The following KLHL35 variants were observed in gnomAD, a reference collection of about 807,000 sequenced individuals.
KLHL35 encodes the protein kelch like family member 35, also known as kelch-like protein 35.
KLHL35 carries 50 observed loss-of-function variants against 44.0 expected under a neutral mutation model. The observed-to-expected ratio is 1.14, with a 90% CI of 0.91 to 1.44. The LOEUF is 1.44. Ranked by LOEUF, KLHL35 falls within the 40% of genes most tolerant of loss-of-function variation. The pLI is 0.00. For missense variants in KLHL35, 1,049 were observed against 887.8 expected (o/e 1.18, Z -2.31); for synonymous variants, 470 against 410.4 (o/e 1.15, Z -1.76).
In KLHL35 at chr11:75,429,741, G is replaced by C; in HGVS notation, c.881+8C>G. ...GGAGGGCGGGAAGCTAGGGGATGGCGGCCCTACCTCCGCGGCCGGGTCCGC... is the reference window on the plus strand; with the variant it reads ...GGAGGGCGGGAAGCTAGGGGATGGCCGCCCTACCTCCGCGGCCGGGTCCGC... On this transcript the variant is annotated splice_region_variant and intron_variant, in intron 2 of 6. Coordinates refer to ENST00000539798, the MANE Select transcript of KLHL35 (RefSeq NM_001039548.3). The C allele has an allele frequency of 2.8e-6, 4 of 1,449,302 alleles. No individual in the cohort carries two copies. Among genetic ancestry groups the C allele is most frequent in the Non-Finnish European group, 3.6e-6 (4 of 1,108,360 alleles). 89.8% of individuals were successfully genotyped at this position (1,449,302 alleles called of 1,614,324 possible). A position where few individuals can be genotyped will look rare whatever the true frequency, so the allele number is the denominator to read the frequency against.
Position 75,430,376 on chromosome 11 carries a change from A to G in KLHL35, c.254T>C (p.Val85Ala). The G allele has an allele frequency of 1.5e-6, 2 of 1,353,964 alleles. No homozygotes were observed. Among genetic ancestry groups the G allele is most frequent in the Non-Finnish European group, 1.9e-6 (2 of 1,050,320 alleles). 83.9% of individuals were successfully genotyped at this position (1,353,964 alleles called of 1,614,324 possible). ...PERGPAVVPV[V>A]PVAPEAPGTS... ...GCCTGGCGCCTCGGGAGCTACTGGCACCACTGGCACCACGGCCGGGCCGCG... is the reference window on the plus strand; with the variant it reads ...GCCTGGCGCCTCGGGAGCTACTGGCGCCACTGGCACCACGGCCGGGCCGCG... Residue 85 changes from valine to alanine, a missense_variant, in exon 2 of 7, where the codon GTG becomes GCG. Transcript: ENST00000539798.
At position 75,430,480 on chromosome 11, in the gene KLHL35, G is replaced by T; in HGVS notation, c.150C>A (p.Arg50=). 1 of 1,403,114 alleles carries T rather than the reference G, an allele frequency of 7.1e-7. No homozygotes were observed. Among genetic ancestry groups the T allele is most frequent in the South Asian group, 1.5e-5 (1 of 66,832 alleles). The allele number at this position is 1,403,114 out of a possible 1,614,324, so 86.9% of individuals were successfully genotyped here. ...LTDVVLRAGG[R]DFPCHRAALS... is the part of the protein sequence containing the mutation. ...GCGCCGCGCGGTGGCACGGAAAGTCGCGCCCGCCGGCGCGCAGCACCACGT... is the reference window on the plus strand; with the variant it reads ...GCGCCGCGCGGTGGCACGGAAAGTCTCGCCCGCCGGCGCGCAGCACCACGT... The change falls in exon 2 of 7, where the codon CGC becomes CGA. Residue 50 remains arginine (R), a synonymous_variant. Coordinates refer to ENST00000539798, the MANE Select transcript of KLHL35 (RefSeq NM_001039548.3).
At chr11:75,431,386 C>G (rs1344021532) in intron 1 of KLHL35, among the ~76,000 whole-genome samples, 1 of 152,234 alleles carries the variant, frequency 6.6e-6, no homozygotes, top group Non-Finnish European at 1.5e-5. Flanking sequence ...TACGGTGTGC[C>G]CGGAGCTCCC....
intron 5 of KLHL35, 58 bp downstream of exon 5, chr11:75,425,335 G>A: frequency 6.8e-7 from 1 of 1,471,070 alleles, no homozygotes; most frequent in Middle Eastern, 2.4e-4. Context: ...TTCTGCGCCT[G>A]GCACACAGTG....
At chr11:75,424,225 CCTT>C (rs1948473145) in intron 5 of KLHL35, 1 of 259,582 alleles carries the variant, frequency 3.9e-6, no homozygotes, top group African/African-American at 2.2e-5. Flanking sequence ...AACAGTCTCT[CCTT>C]TGATGGAGAA....
In KLHL35 at chr11:75,433,110, G is replaced by C. The variant is rs1253790848; in HGVS notation, c.-69C>G. Among the ~76,000 whole-genome samples, 4 of 152,160 alleles carry C rather than the reference G, an allele frequency of 2.6e-5. No individual in the cohort carries two copies. Among genetic ancestry groups the C allele is most frequent in the African/African-American group, 9.7e-5 (4 of 41,416 alleles). On this transcript the variant is annotated 5_prime_UTR_variant, in exon 1 of 7. Coordinates refer to ENST00000539798, the MANE Select transcript of KLHL35 (RefSeq NM_001039548.3). ...ACAGGTATCACTCCCGTTTGTGCCT[G>C]CCGCCCGCACCCCTGGCAGCCCAAG... is the stretch of plus-strand genomic sequence containing the variant.
At chr11:75,424,415 TA>T (rs923196360) in intron 5 of KLHL35, 2 of 153,326 alleles carry the variant, frequency 1.3e-5, no homozygotes, top group African/African-American at 4.8e-5. Context: ...CATTAGATTC[TA>T]GCTGAGGTGT....
In KLHL35 at chr11:75,425,462, C is replaced by T. The variant is rs1299621626; in HGVS notation, c.1305G>A (p.Ala435=). Residue 435 remains alanine (A), a synonymous_variant, in exon 5 of 7, where the codon GCG becomes GCA. Coordinates refer to ENST00000539798, the MANE Select transcript of KLHL35 (RefSeq NM_001039548.3). ...APLPEAVSSA[A]VASCAGKLFV... ...AGAGCTTGCCCGCGCAGGACGCCACCGCCGCCGAGCTCACGGCCTCCGGGA... is the reference window on the plus strand; with the variant it reads ...AGAGCTTGCCCGCGCAGGACGCCACTGCCGCCGAGCTCACGGCCTCCGGGA... 20 of 1,571,212 alleles carry T rather than the reference C, an allele frequency of 1.3e-5. No homozygotes were observed. Among genetic ancestry groups the T allele is most frequent in the Admixed American group, 1.8e-5 (1 of 55,268 alleles).
At chr11:75,423,458 C>G (rs995151586) in intron 6 of KLHL35, 1 of 521,088 alleles carries the variant, frequency 1.9e-6, no homozygotes, top group South Asian at 2.7e-5. Context: ...CTTGGGACTG[C>G]AGGGTTCTAG....
rs980982396 is a variant in KLHL35 at position 75,423,966 on chromosome 11, G to C, written c.1375-86C>G. ...CCCACATGCTGCCACCTCTCCCCCC[G>C]GGGGCACTCATTCAAAACGACATTT... On this transcript the variant is annotated intron_variant, in intron 5 of 6. Transcript: ENST00000539798. 2.6e-5 allele frequency: 28 copies of C among 1,077,962 alleles called. No homozygotes were observed. The African/African-American group carries it at 3.9e-4, about 15-fold the overall frequency. The allele number at this position is 1,077,962 out of a possible 1,614,324, so 66.8% of individuals were successfully genotyped here.
rs1948543948 is a variant in KLHL35 at position 75,432,349 on chromosome 11, T to C, written c.-2+694A>G. ...CTCCCTGGTGGGCAAGAAAGTTAAC[T>C]ACTTTTGCCCAAGTAGAGCGACTGG... is the stretch of plus-strand genomic sequence containing the variant. On this transcript the variant is annotated intron_variant, in intron 1 of 6. Transcript: ENST00000539798. Among the ~76,000 whole-genome samples, 3 of 152,134 alleles carry C rather than the reference T, an allele frequency of 2.0e-5. No homozygotes were observed. The South Asian group carries it at 6.2e-4, about 31-fold the overall frequency.
chr11:75,426,826 G>C (rs1948496386), intron 3 of KLHL35, 188 bp from the exon 4 acceptor site: 1 of 494,106 alleles, frequency 2.0e-6, no homozygotes, highest in Non-Finnish European at 3.7e-6. Context: ...GGGAATGTCT[G>C]AGTTACGACC....
intron 5 of KLHL35, chr11:75,424,230 G>A: frequency 4.0e-6 from 1 of 252,170 alleles, no homozygotes; most frequent in Non-Finnish European, 7.6e-6. Context: ...TCTCTCCTTT[G>A]ATGGAGAACA....
intron 6 of KLHL35, chr11:75,423,075 T>G (rs1285012722): frequency 2.7e-6 from 1 of 365,722 alleles, no homozygotes; most frequent in Non-Finnish European, 5.0e-6. Flanking sequence ...TATAAAGCAT[T>G]TTACATAGAG....
At chr11:75,425,159 T>G (rs1157945371) in intron 5 of KLHL35, among the ~76,000 whole-genome samples, 1 of 152,230 alleles carries the variant, frequency 6.6e-6, no homozygotes, top group Non-Finnish European at 1.5e-5. Context: ...TGTATGAAAC[T>G]TACATGGCAC....
In KLHL35 at chr11:75,430,483, C is replaced by T; in HGVS notation, c.147G>A (p.Gly49=). 2 of 1,405,156 alleles carry T rather than the reference C, an allele frequency of 1.4e-6. No homozygotes were observed. The highest frequency in any genetic ancestry group is 1.5e-5 in the African/African-American group (1 of 66,194). 87.0% of individuals were successfully genotyped at this position (1,405,156 alleles called of 1,614,324 possible). ...CCGCGCGGTGGCACGGAAAGTCGCGCCCGCCGGCGCGCAGCACCACGTCGG... is the reference window on the plus strand; with the variant it reads ...CCGCGCGGTGGCACGGAAAGTCGCGTCCGCCGGCGCGCAGCACCACGTCGG... ...TLTDVVLRAG[G]RDFPCHRAAL... The change falls in exon 2 of 7, where the codon GGG becomes GGA. Residue 49 remains glycine (G), a synonymous_variant. Coordinates refer to ENST00000539798, the MANE Select transcript of KLHL35 (RefSeq NM_001039548.3).
intron 2 of KLHL35, 137 bp downstream of exon 2, chr11:75,429,612 G>T: frequency 8.9e-7 from 1 of 1,125,476 alleles, no homozygotes; most frequent in Non-Finnish European, 1.2e-6. Context: ...AGAATTATGG[G>T]CACCGAGCCT....
At position 75,425,516 on chromosome 11, in the gene KLHL35, G is replaced by A. The variant is rs771036611; in HGVS notation, c.1251C>T (p.Phe417=). The A allele has an allele frequency of 1.9e-6, 3 of 1,564,142 alleles. No homozygotes were observed. Among genetic ancestry groups the A allele is most frequent in the Non-Finnish European group, 2.6e-6 (3 of 1,162,966 alleles). Residue 417 remains phenylalanine, a synonymous_variant, in exon 5 of 7, where the codon TTC becomes TTT. Transcript: ENST00000539798. ...RLHSVERYDP[F]SNTWAAAAPL... Reference sequence around the variant, plus strand: ...GCGCGGCGGCCGCCCAGGTGTTGGAGAAGGGGTCGTAGCGCTCCACGCTGT... The same window carrying A: ...GCGCGGCGGCCGCCCAGGTGTTGGAAAAGGGGTCGTAGCGCTCCACGCTGT...
At chr11:75,427,223 G>T (rs1245472280) in intron 3 of KLHL35, among the ~76,000 whole-genome samples, 1 of 152,220 alleles carries the variant, frequency 6.6e-6, no homozygotes, top group African/African-American at 2.4e-5. Flanking sequence ...ATGGCCTTTT[G>T]TCAGAGCCAG....
Sources: gnomAD v4.1 joint callset for allele counts (sites outside exome capture counted in the v4.1 genomes callset) on GRCh38, gnomAD v4.1.1 for gene constraint, MANE v1.5 for transcripts, NCBI Gene and HGNC (gene_info 2026-07-23, HGNC 2026-07-21) for gene names.